Variants in ATRIP observed in about 807,000 individuals in gnomAD.
ATRIP encodes ATR interacting protein.
In ATRIP, 44 loss-of-function variants were observed where a neutral mutation model predicts 78.1. That is an observed-to-expected ratio of 0.56 (90% CI 0.44 to 0.72). The LOEUF (loss-of-function observed/expected upper bound fraction) is 0.72. Among genes scored for constraint, ATRIP ranks in the 30% least tolerant of loss-of-function variants. ATRIP has a pLI of 0.00. For synonymous variants in ATRIP, 388 were observed against 408.9 expected, an observed-to-expected ratio of 0.95 and a Z score of 0.62; for missense variants, 927 against 980.2, an observed-to-expected ratio of 0.95 and a Z score of 0.72.
chr3:48,467,624 T>TA lies in ATRIP; in HGVS notation c.*2073dup. 4 of 1,604,218 alleles carry TA rather than the reference T, an allele frequency of 2.5e-6. No individual in the cohort carries two copies. Among genetic ancestry groups the TA allele is most frequent in the African/African-American group, 1.3e-5 (1 of 74,792 alleles). ...AGGCCAAGAAGGAAAATCTGACGAA[T>TA]AAAGACCCCCGCTGCCCCATAGCAC... On this transcript the variant is annotated 3_prime_UTR_variant, in exon 13 of 13. Transcript: ENST00000320211.
At position 48,457,281 on chromosome 3, in the gene ATRIP, G is replaced by A. The variant is rs369414704; in HGVS notation, c.694G>A (p.Val232Ile). ...HVSPRKNPSV[V>I]IKPEACSPQF... Reference sequence around the variant, plus strand: ...CAGTCCTAGGAAAAACCCTTCTGTGGTTATAAAGCCAGAAGCATGTTCTCC... The same window carrying A: ...CAGTCCTAGGAAAAACCCTTCTGTGATTATAAAGCCAGAAGCATGTTCTCC... Residue 232 changes from valine (V) to isoleucine (I), a missense_variant, in exon 5 of 13, where the codon GTT (valine) becomes ATT (isoleucine). Val to Ile is a conservative substitution (Grantham distance 29). Coordinates refer to ENST00000320211, the MANE Select transcript of ATRIP (RefSeq NM_130384.3). 6.3e-7 allele frequency: 1 copy of A among 1,591,500 alleles called. No individual in the cohort carries two copies. Among genetic ancestry groups the A allele is most frequent in the Non-Finnish European group, 8.5e-7 (1 of 1,170,594 alleles).
At chr3:48,461,606 T>C (rs2040113496) in intron 8 of ATRIP, among the ~76,000 whole-genome samples, 1 of 152,132 alleles carries the variant, frequency 6.6e-6, no homozygotes, top group Non-Finnish European at 1.5e-5. Flanking sequence ...AGCACTGCAG[T>C]GTAGTGTGGG....
chr3:48,457,545 G>T, intron 5 of ATRIP, 129 bp downstream of exon 5: 1 of 714,812 alleles, frequency 1.4e-6, no homozygotes, highest in Non-Finnish European at 2.1e-6. Flanking sequence ...GACAATCTCT[G>T]CAGGGACTGG....
intron 1 of ATRIP, among the ~76,000 whole-genome samples, chr3:48,448,285 C>G (rs909169588): frequency 2.6e-5 from 4 of 151,940 alleles, no homozygotes; most frequent in African/African-American, 7.3e-5. Flanking sequence ...CCTCAACCTC[C>G]CGAGTAGCCT....
intron 1 of ATRIP, 157 bp downstream of exon 1, chr3:48,447,249 G>C (rs917500910): frequency 1.6e-5 from 20 of 1,267,898 alleles, no homozygotes; most frequent in Non-Finnish European, 2.0e-5. Context: ...CTTCCAGAAG[G>C]TCCTTTGATT....
intron 3 of ATRIP, among the ~76,000 whole-genome samples, chr3:48,452,479 C>T (rs2039858196): frequency 6.6e-6 from 1 of 151,828 alleles, no homozygotes; most frequent in Non-Finnish European, 1.5e-5. Context: ...GCCAGGAGTT[C>T]GAGACCAGCC....
chr3:48,459,247 C>A, intron 5 of ATRIP, 112 bp from the exon 6 acceptor site: 1 of 857,202 alleles, frequency 1.2e-6, no homozygotes, highest in Non-Finnish European at 1.9e-6. Context: ...CTTGTTTGTT[C>A]CAAGTTCGAA....
In ATRIP at chr3:48,465,092, G is replaced by T. The variant is rs2040240436; in HGVS notation, c.2308+9G>T. 6.2e-7 allele frequency: 1 copy of T among 1,600,752 alleles called. No individual in the cohort carries two copies. Among genetic ancestry groups the T allele is most frequent in the South Asian group, 1.1e-5 (1 of 90,384 alleles). ...TGTGACGGACTGTGAAGGTAAGCCT[G>T]CCAGAGGCCATCCTGCCCAGCCCCC... On this transcript the variant is annotated intron_variant, in intron 12 of 12. Transcript: ENST00000320211.
intron 10 of ATRIP, 59 bp from the exon 11 acceptor site, chr3:48,464,523 A>G: frequency 6.5e-7 from 1 of 1,547,412 alleles, no homozygotes; most frequent in Admixed American, 1.7e-5. Flanking sequence ...GCTTAAGAAA[A>G]CCCTCGCAGG....
At chr3:48,453,342 C>G (rs755440258) in intron 3 of ATRIP, among the ~76,000 whole-genome samples, 1 of 152,192 alleles carries the variant, frequency 6.6e-6, no homozygotes, top group Non-Finnish European at 1.5e-5. Context: ...ACTTTAAGCA[C>G]TTACCTGTGC....
At position 48,450,039 on chromosome 3, in the gene ATRIP, G is replaced by A; in HGVS notation, c.250G>A (p.Asp84Asn). Residue 84 changes from aspartate to asparagine, a missense_variant and splice_region_variant, in exon 2 of 13, where the codon GAT (aspartate) becomes AAT (asparagine). Physicochemically the swap from Asp to Asn is conservative, Grantham distance 23. Coordinates refer to ENST00000320211, the MANE Select transcript of ATRIP (RefSeq NM_130384.3). ...CPAAARDVSS[D>N]HKVHRLLDGM... ...GTATATGGAACTATTTTTTACAGGT[G>A]ATCATAAGGTCCACAGATTATTAGA... 6.2e-7 allele frequency: 1 copy of A among 1,607,432 alleles called. No homozygotes were observed. The highest frequency in any genetic ancestry group is 1.3e-5 in the African/African-American group (1 of 74,658).
intron 3 of ATRIP, among the ~76,000 whole-genome samples, chr3:48,452,962 G>A (rs1333301369): frequency 1.4e-5 from 2 of 144,564 alleles, no homozygotes; most frequent in African/African-American, 2.6e-5. Context: ...ACAGCTCACT[G>A]CAGCCTTGAC....
At chr3:48,449,777 A>C (rs2039786337) in intron 1 of ATRIP, among the ~76,000 whole-genome samples, 2 of 150,438 alleles carry the variant, frequency 1.3e-5, no homozygotes, top group East Asian at 3.9e-4. Flanking sequence ...ATCCAAAAAA[A>C]AAAAAAAAAA....
Position 48,451,845 on chromosome 3 carries a change from T to C in ATRIP, c.498T>C (p.Leu166=). 6.2e-7 allele frequency: 1 copy of C among 1,612,706 alleles called. No individual in the cohort carries two copies. Among genetic ancestry groups the C allele is most frequent in the South Asian group, 1.1e-5 (1 of 90,786 alleles). ...LEEQRRSHFL[L]EQEKTQALSD... is the part of the protein sequence containing the mutation. ...AACAGAGAAGATCACATTTTCTTCT[T>C]GAGCAAGAGAAAACCCAAGCACTCA... The change falls in exon 3 of 13, where the codon CTT becomes CTC. Residue 166 remains leucine, a synonymous_variant. Coordinates refer to ENST00000320211, the MANE Select transcript of ATRIP (RefSeq NM_130384.3).
In ATRIP at chr3:48,467,379, A is replaced by G; in HGVS notation, c.*1825A>G. On this transcript the variant is annotated 3_prime_UTR_variant, in exon 13 of 13. Transcript: ENST00000320211. ...TGGGGTCACAGCCTCTGCTAGGACC[A>G]AGCCAAGACCATCTGCTGTCACAAC... 6.2e-7 allele frequency: 1 copy of G among 1,614,198 alleles called. No homozygotes were observed. The highest frequency in any genetic ancestry group is 8.5e-7 in the Non-Finnish European group (1 of 1,180,034).
Position 48,466,647 on chromosome 3 carries a change from T to G in ATRIP, c.*1093T>G. ...CTCTCCAGGCTCAGCAGCAGGTACG[T>G]ACCCAACCATGGGCTCGCAGGCCCT... On this transcript the variant is annotated 3_prime_UTR_variant, in exon 13 of 13. Coordinates refer to ENST00000320211, the MANE Select transcript of ATRIP (RefSeq NM_130384.3). The G allele has an allele frequency of 6.2e-7, 1 of 1,613,794 alleles. No individual in the cohort carries two copies. Among genetic ancestry groups the G allele is most frequent in the Non-Finnish European group, 8.5e-7 (1 of 1,179,916 alleles).
At chr3:48,463,451 C>T (rs1238454169) in intron 8 of ATRIP, among the ~76,000 whole-genome samples, 1 of 151,862 alleles carries the variant, frequency 6.6e-6, no homozygotes, top group Non-Finnish European at 1.5e-5. Flanking sequence ...ATGTGGAAGC[C>T]AGGCATCCCA....
intron 1 of ATRIP, chr3:48,447,501 G>C (rs1478599241): frequency 8.1e-6 from 8 of 992,804 alleles, no homozygotes; most frequent in Non-Finnish European, 9.6e-6. Context: ...GGCAGTGTGA[G>C]CATGGGAGGA....
Position 48,459,894 on chromosome 3 carries a change from C to T in ATRIP, c.1033C>T (p.Leu345=). The T allele has an allele frequency of 1.2e-6, 2 of 1,613,468 alleles. No homozygotes were observed. Among genetic ancestry groups the T allele is most frequent in the Non-Finnish European group, 1.7e-6 (2 of 1,179,752 alleles). The change falls in exon 7 of 13, where the codon CTG becomes TTG. Residue 345 remains leucine (L), a synonymous_variant. Coordinates refer to ENST00000320211, the MANE Select transcript of ATRIP (RefSeq NM_130384.3). ...TTCTGAGTCTCCTGCTGGCACCCCC[C>T]TGCAGCCACCAGGGTTTGGCAGGTA... is the stretch of plus-strand genomic sequence containing the variant. ...SSSESPAGTP[L]QPPGFGSTLA... is the part of the protein sequence containing the mutation.
Sources: allele counts gnomAD v4.1 joint callset (sites outside exome capture counted in the v4.1 genomes callset), GRCh38; gene constraint gnomAD v4.1.1; transcripts MANE v1.5; gene names NCBI Gene and HGNC (gene_info 2026-07-23, HGNC 2026-07-21).